The following GRM7 variants were observed in gnomAD, a reference collection of about 807,000 sequenced individuals.
GRM7 encodes the protein glutamate metabotropic receptor 7, also known as metabotropic glutamate receptor 7.
Under a neutral mutation model 84.5 loss-of-function variants are expected in GRM7, and 35 were observed. The observed-to-expected ratio is 0.41, with a 90% CI of 0.32 to 0.55. The LOEUF is 0.55. GRM7 is among the 20% of genes least tolerant of loss of function. The pLI, the probability that GRM7 is intolerant of heterozygous loss-of-function variation, is 0.19. For synonymous variants in GRM7, 487 were observed against 455.1 expected (o/e 1.07, Z -0.89); for missense variants, 1,003 against 1,194.6 (o/e 0.84, Z 2.36).
intron 4 of GRM7, among the ~76,000 whole-genome samples, chr3:7,328,186 G>T (rs1701057919): frequency 6.6e-6 from 1 of 152,144 alleles, no homozygotes; most frequent in Non-Finnish European, 1.5e-5. Context: ...TTAAAAGGCT[G>T]ATTTACCAAG....
intron 2 of GRM7, among the ~76,000 whole-genome samples, chr3:7,225,480 T>C (rs897641848): frequency 6.8e-6 from 1 of 147,618 alleles, no homozygotes; most frequent in African/African-American, 2.4e-5. Flanking sequence ...ATAATAAATG[T>C]AAATATAAAT....
chr3:7,256,351 A>G (rs1251603346), intron 2 of GRM7, among the ~76,000 whole-genome samples: 1 of 152,228 alleles, frequency 6.6e-6, no homozygotes, highest in Non-Finnish European at 1.5e-5. Context: ...GTAAACATTT[A>G]TTGACTAAAT....
At chr3:7,609,468 AGAG>A (rs1696745770) in intron 8 of GRM7, among the ~76,000 whole-genome samples, 2 of 152,208 alleles carry the variant, frequency 1.3e-5, no homozygotes, top group Non-Finnish European at 2.9e-5. Flanking sequence ...AGGGCAGAGT[AGAG>A]GAGCTCTAGA....
intron 4 of GRM7, among the ~76,000 whole-genome samples, chr3:7,404,569 A>C (rs796972287): frequency 6.6e-6 from 1 of 152,212 alleles, no homozygotes; most frequent in Admixed American, 6.5e-5. Context: ...GTTTAAAAAT[A>C]TAATGCCTTG....
chr3:7,375,498 G>T (rs553371964), intron 4 of GRM7, among the ~76,000 whole-genome samples: 1 of 152,148 alleles, frequency 6.6e-6, no homozygotes, highest in Non-Finnish European at 1.5e-5. Flanking sequence ...GATTACAGGC[G>T]TGAGCCACCG....
intron 7 of GRM7, among the ~76,000 whole-genome samples, chr3:7,509,357 C>G (rs776982570): frequency 6.6e-6 from 1 of 152,144 alleles, no homozygotes; most frequent in Non-Finnish European, 1.5e-5. Context: ...TATTCACATA[C>G]AGTTTGAAAA....
intron 4 of GRM7, among the ~76,000 whole-genome samples, chr3:7,397,752 C>T (rs1381094787): frequency 2.6e-5 from 4 of 151,944 alleles, no homozygotes; most frequent in African/African-American, 7.3e-5. Flanking sequence ...GGAGATTTTC[C>T]TCTAAGTAGA....
At chr3:7,358,777 T>C (rs1373993748) in intron 4 of GRM7, among the ~76,000 whole-genome samples, 1 of 152,120 alleles carries the variant, frequency 6.6e-6, no homozygotes, top group Non-Finnish European at 1.5e-5. Context: ...TAATTTATTT[T>C]TTGTGACCCT....
intron 6 of GRM7, among the ~76,000 whole-genome samples, chr3:7,460,032 A>G (rs1698174702): frequency 6.8e-6 from 1 of 147,128 alleles, no homozygotes. Context: ...GGCAATTTGA[A>G]TATTCATATT....
At chr3:7,699,186 G>A (rs540629266) in intron 9 of GRM7, among the ~76,000 whole-genome samples, 5 of 152,140 alleles carry the variant, frequency 3.3e-5, no homozygotes, top group Non-Finnish European at 7.4e-5. Flanking sequence ...CTCAAAGTTT[G>A]ATTTCAGGTA....
chr3:7,135,554 T>A (rs558429338), intron 1 of GRM7, among the ~76,000 whole-genome samples: 2 of 152,174 alleles, frequency 1.3e-5, no homozygotes, highest in African/African-American at 2.4e-5. Context: ...TGCCCACATA[T>A]GCAAATCCCC....
intron 8 of GRM7, among the ~76,000 whole-genome samples, chr3:7,669,618 G>A (rs1182942100): frequency 6.6e-6 from 1 of 152,184 alleles, no homozygotes; most frequent in Non-Finnish European, 1.5e-5. Flanking sequence ...ACATGTGGAA[G>A]ACAAATTCAG....
chr3:6,957,143 G>GCAA (rs1693089860), intron 1 of GRM7, among the ~76,000 whole-genome samples: 1 of 152,162 alleles, frequency 6.6e-6, no homozygotes, highest in Non-Finnish European at 1.5e-5. Context: ...GGACCCTGGT[G>GCAA]TCGTTTTGGG....
chr3:7,134,439 T>C (rs1693706720), intron 1 of GRM7, among the ~76,000 whole-genome samples: 1 of 152,020 alleles, frequency 6.6e-6, no homozygotes, highest in Non-Finnish European at 1.5e-5. Flanking sequence ...GTCATCATCA[T>C]CATCATCATC....
chr3:7,242,474 C>T (rs1173759658), intron 2 of GRM7, among the ~76,000 whole-genome samples: 1 of 152,156 alleles, frequency 6.6e-6, no homozygotes, highest in African/African-American at 2.4e-5. Context: ...CACATTCAAA[C>T]TATGCTTTGT....
At chr3:7,155,782 G>A (rs767285905) in intron 2 of GRM7, among the ~76,000 whole-genome samples, 1 of 152,020 alleles carries the variant, frequency 6.6e-6, no homozygotes, top group African/African-American at 2.4e-5. Flanking sequence ...AAGCTGAAGG[G>A]GAGCAGATGA....
intron 8 of GRM7, among the ~76,000 whole-genome samples, chr3:7,645,389 A>T (rs919447109): frequency 1.3e-5 from 2 of 151,718 alleles, no homozygotes; most frequent in Admixed American, 1.3e-4. Context: ...ACTACTAAAA[A>T]TACAAAAATT....
At chr3:6,975,768 C>A (rs1575088308) in intron 1 of GRM7, among the ~76,000 whole-genome samples, 1 of 152,160 alleles carries the variant, frequency 6.6e-6, no homozygotes, top group East Asian at 1.9e-4. Flanking sequence ...AGGTTCACAA[C>A]CCACAAATAG....
chr3:7,139,588 C>T (rs1693879812), intron 1 of GRM7, among the ~76,000 whole-genome samples: 1 of 151,816 alleles, frequency 6.6e-6, no homozygotes, highest in Non-Finnish European at 1.5e-5. Context: ...AATGGAATAC[C>T]TTATAATAAA....
Sources: gnomAD v4.1 joint callset for allele counts (sites outside exome capture counted in the v4.1 genomes callset) on GRCh38, gnomAD v4.1.1 for gene constraint, MANE v1.5 for transcripts, NCBI Gene and HGNC (gene_info 2026-07-23, HGNC 2026-07-21) for gene names.